NETO1: variants seen among roughly 807,000 people sequenced by gnomAD.
NETO1 encodes neuropilin and tolloid like 1.
A neutral mutation model predicts 61.3 loss-of-function variants in NETO1; 26 were observed. The ratio of observed to expected loss-of-function variants is 0.42; its 90% CI spans 0.31 to 0.59. NETO1 has a LOEUF of 0.59. Among genes scored for constraint, NETO1 ranks in the 20% least tolerant of loss-of-function variants. NETO1 has a pLI of 0.12. For synonymous variants in NETO1, 225 were observed against 225.8 expected, an observed-to-expected ratio of 1.00 and a Z score of 0.03; for missense variants, 531 against 662.8, an observed-to-expected ratio of 0.80 and a Z score of 2.18.
At chr18:72,851,688 G>T (rs1353120554) in intron 4 of NETO1, among the ~76,000 whole-genome samples, 3 of 151,970 alleles carry the variant, frequency 2.0e-5, no homozygotes, top group Non-Finnish European at 4.4e-5. Context: ...CATTGCGAGT[G>T]GAAAAACATT....
At chr18:72,804,743 C>T (rs2072619059) in intron 4 of NETO1, among the ~76,000 whole-genome samples, 1 of 152,190 alleles carries the variant, frequency 6.6e-6, no homozygotes, top group South Asian at 2.1e-4. Flanking sequence ...TGTTTACAAA[C>T]CTTCTGATTA....
At chr18:72,754,018 C>T (rs931002090) in intron 8 of NETO1, among the ~76,000 whole-genome samples, 6 of 151,656 alleles carry the variant, frequency 4.0e-5, no homozygotes, top group Admixed American at 2.0e-4. Flanking sequence ...GGGTATGTAA[C>T]GTTTAAAAAT....
At chr18:72,750,779 A>G (rs1157506110) in intron 8 of NETO1, among the ~76,000 whole-genome samples, 159 bp from the exon 9 acceptor site, 3 of 151,918 alleles carry the variant, frequency 2.0e-5, no homozygotes, top group Admixed American at 6.6e-5. Context: ...ATATTTAAAA[A>G]TAAATACAAG....
chr18:72,796,599 C>A (rs1402877515), intron 4 of NETO1, among the ~76,000 whole-genome samples: 1 of 151,996 alleles, frequency 6.6e-6, no homozygotes, highest in Non-Finnish European at 1.5e-5. Flanking sequence ...GCCTCAGCCT[C>A]CCAAGTAGCT....
At chr18:72,866,149 T>C (rs546213310) in intron 1 of NETO1, among the ~76,000 whole-genome samples, 1 of 152,336 alleles carries the variant, frequency 6.6e-6, no homozygotes, top group South Asian at 2.1e-4. Context: ...TTCTATTTTT[T>C]CTTATTCATT....
intron 4 of NETO1, among the ~76,000 whole-genome samples, chr18:72,796,632 G>A (rs1255863726): frequency 6.6e-6 from 1 of 151,938 alleles, no homozygotes. Flanking sequence ...GCCCGCCACT[G>A]TGCCCAGCTA....
Position 72,867,347 on chromosome 18 carries a change from A to C in NETO1, c.-56T>G. ...CCACTAATTCCATTTAGAGACGGGA[A>C]GACTTCCAGTGGCGGGGGGAGGACA... is the stretch of plus-strand genomic sequence containing the variant. On this transcript the variant is annotated 5_prime_UTR_variant, in exon 1 of 11. Transcript: ENST00000327305. The C allele has an allele frequency of 6.7e-7, 1 of 1,496,926 alleles. No homozygotes were observed. The highest frequency in any genetic ancestry group is 9.0e-7 in the Non-Finnish European group (1 of 1,107,546). The allele number at this position is 1,496,926 out of a possible 1,614,324, so 92.7% of individuals were successfully genotyped here. A position where few individuals can be genotyped will look rare whatever the true frequency, so the allele number is the denominator to read the frequency against.
At chr18:72,772,360 C>T (rs1016627931) in intron 7 of NETO1, among the ~76,000 whole-genome samples, 7 of 152,056 alleles carry the variant, frequency 4.6e-5, no homozygotes, top group African/African-American at 7.2e-5. Context: ...CCCATGACCC[C>T]ATGACATAAA....
intron 4 of NETO1, among the ~76,000 whole-genome samples, chr18:72,812,799 A>C (rs1319448455): frequency 6.6e-6 from 1 of 152,130 alleles, no homozygotes; most frequent in Non-Finnish European, 1.5e-5. Flanking sequence ...ATTTCCTAAC[A>C]TTAATTCAAG....
At chr18:72,800,773 A>G (rs1428862807) in intron 4 of NETO1, among the ~76,000 whole-genome samples, 1 of 152,112 alleles carries the variant, frequency 6.6e-6, no homozygotes, top group African/African-American at 2.4e-5. Context: ...CTTGGGCATA[A>G]TAGGTGATCA....
intron 4 of NETO1, among the ~76,000 whole-genome samples, chr18:72,851,985 A>C (rs1428742359): frequency 6.6e-6 from 1 of 152,194 alleles, no homozygotes; most frequent in Non-Finnish European, 1.5e-5. Context: ...TTAAGTAGAA[A>C]GGTTGAAGGA....
At chr18:72,841,503 C>T (rs575072337) in intron 4 of NETO1, among the ~76,000 whole-genome samples, 4 of 152,000 alleles carry the variant, frequency 2.6e-5, no homozygotes, top group East Asian at 2.0e-4. Flanking sequence ...GAGGCTGAGG[C>T]GGGTGGATCA....
chr18:72,853,873 T>C (rs1294742180), intron 4 of NETO1, among the ~76,000 whole-genome samples: 2 of 152,172 alleles, frequency 1.3e-5, no homozygotes, highest in Non-Finnish European at 2.9e-5. Flanking sequence ...ACGAAGATTT[T>C]TTTCTTTCTT....
At chr18:72,862,289 T>C (rs1028024006) in intron 3 of NETO1, among the ~76,000 whole-genome samples, 15 of 152,132 alleles carry the variant, frequency 9.9e-5, no homozygotes, top group African/African-American at 2.9e-4. Flanking sequence ...AGTTGAAAAA[T>C]AGTGCTCCAA....
chr18:72,794,508 C>T (rs945970942), intron 4 of NETO1, 104 bp from the exon 5 acceptor site: 2 of 1,109,744 alleles, frequency 1.8e-6, no homozygotes. Context: ...CCTTAAAAAA[C>T]ACATTAGGGA....
chr18:72,783,844 C>T lies in NETO1; in HGVS notation c.702G>A (p.Val234=). Residue 234 remains valine (V), a synonymous_variant, in exon 7 of 11, where the codon GTG becomes GTA. Transcript: ENST00000327305. ...QNSNECKRNF[V]AVYDGSSSVE... Reference sequence around the variant, plus strand: ...CGGAACTGCTTCCATCATACACAGCCACAAAATTCCTCTTGCACTCATTTG... The same window carrying T: ...CGGAACTGCTTCCATCATACACAGCTACAAAATTCCTCTTGCACTCATTTG... 6.2e-7 allele frequency: 1 copy of T among 1,614,154 alleles called. No homozygotes were observed. The highest frequency in any genetic ancestry group is 8.5e-7 in the Non-Finnish European group (1 of 1,180,016).
rs188117377 is a variant in NETO1 at position 72,805,148 on chromosome 18, A to G, written c.470-10744T>C. Among the ~76,000 whole-genome samples, 7 of 152,328 alleles carry G rather than the reference A, an allele frequency of 4.6e-5. No homozygotes were observed. The East Asian group carries it at 1.4e-3, about 29-fold the overall frequency. On this transcript the variant is annotated intron_variant, in intron 4 of 10. Coordinates refer to ENST00000327305, the MANE Select transcript of NETO1 (RefSeq NM_138966.5). ...CAGCACCAATATTTAACTGCAAACC[A>G]TTTATTAATTGGCCATAGAAAAATG... is the stretch of plus-strand genomic sequence containing the variant.
chr18:72,798,992 A>G (rs979462035), intron 4 of NETO1, among the ~76,000 whole-genome samples: 5 of 152,270 alleles, frequency 3.3e-5, no homozygotes, highest in African/African-American at 7.2e-5. Context: ...GTTATTTAAA[A>G]GAAAACAAAA....
At chr18:72,804,452 A>G (rs1053233349) in intron 4 of NETO1, among the ~76,000 whole-genome samples, 1 of 152,226 alleles carries the variant, frequency 6.6e-6, no homozygotes, top group African/African-American at 2.4e-5. Flanking sequence ...TAACTGAATC[A>G]TATCAGAGGC....
Sources: gnomAD v4.1 joint callset for allele counts (sites outside exome capture counted in the v4.1 genomes callset) on GRCh38, gnomAD v4.1.1 for gene constraint, MANE v1.5 for transcripts, NCBI Gene and HGNC (gene_info 2026-07-23, HGNC 2026-07-21) for gene names.